Variants in TMEM59 observed in about 807,000 individuals in gnomAD.
The protein encoded by TMEM59 is dendritic cell factor 1.
In TMEM59, 44 loss-of-function variants were observed where a neutral mutation model predicts 42.2. The observed-to-expected ratio is 1.04, with a 90% CI of 0.82 to 1.34. The LOEUF is 1.34. Among genes scored for constraint, TMEM59 ranks in the 40% most tolerant of loss-of-function variants. TMEM59 has a pLI of 0.00. For synonymous variants in TMEM59, 148 were observed against 145.8 expected, an observed-to-expected ratio of 1.02 and a Z score of -0.11; for missense variants, 359 against 382.8, an observed-to-expected ratio of 0.94 and a Z score of 0.52.
At position 54,032,225 on chromosome 1, in the gene TMEM59, A is replaced by G; in HGVS notation, c.897T>C (p.Val299=). The G allele has an allele frequency of 6.2e-7, 1 of 1,613,402 alleles. No homozygotes were observed. Among genetic ancestry groups the G allele is most frequent in the Non-Finnish European group, 8.5e-7 (1 of 1,179,658 alleles). The part of the protein sequence containing the change: ...NRYPASSLVV[V]RSKTEDHEEA... ...CTTCATGATCTTCAGTTTTAGATCT[A>G]ACAACCACAAGAGAAGAAGCTGGAT... The change falls in exon 8 of 8, where the codon GTT becomes GTC. Residue 299 remains valine (V), a synonymous_variant. Coordinates refer to ENST00000234831, the MANE Select transcript of TMEM59 (RefSeq NM_004872.5).
At chr1:54,049,129 T>C (rs2100333829) in intron 1 of TMEM59, among the ~76,000 whole-genome samples, 1 of 152,316 alleles carries the variant, frequency 6.6e-6, no homozygotes, top group Admixed American at 6.5e-5. Context: ...CCATATGGCA[T>C]GGTGAAAAGA....
chr1:54,046,607 C>A (rs1031997704), intron 2 of TMEM59, among the ~76,000 whole-genome samples: 1 of 152,102 alleles, frequency 6.6e-6, no homozygotes, highest in Non-Finnish European at 1.5e-5. Context: ...CGCAAAAATA[C>A]GGTTATGATA....
chr1:54,046,268 T>C (rs1247289662), intron 2 of TMEM59, among the ~76,000 whole-genome samples: 2 of 152,228 alleles, frequency 1.3e-5, no homozygotes, highest in Admixed American at 6.5e-5. Context: ...GTATTATTGT[T>C]AAGAACCAGA....
rs1215419162 is a variant in TMEM59 at position 54,029,767 on chromosome 1, A to G, written c.*2383T>C. 1 of 152,196 alleles carries G rather than the reference A, an allele frequency of 6.6e-6. No homozygotes were observed. Among genetic ancestry groups the G allele is most frequent in the East Asian group, 1.9e-4 (1 of 5,192 alleles). The allele number at this position is 152,196 out of a possible 1,614,324, so 9.4% of individuals were successfully genotyped here. On this transcript the variant is annotated 3_prime_UTR_variant, in exon 8 of 8. Coordinates refer to ENST00000234831, the MANE Select transcript of TMEM59 (RefSeq NM_004872.5). Reference sequence around the variant, plus strand: ...AACACTACAATCCAGCTTCCCAAACAGAAGACTATATTTCCCATTATCTCA... The same window carrying G: ...AACACTACAATCCAGCTTCCCAAACGGAAGACTATATTTCCCATTATCTCA...
chr1:54,041,950 C>A, intron 4 of TMEM59, 145 bp from the exon 5 acceptor site: 4 of 534,518 alleles, frequency 7.5e-6, no homozygotes, highest in East Asian at 3.2e-5. Context: ...ACATTAACCA[C>A]AATATATTTT....
rs1178663897 is a variant in TMEM59 at position 54,028,817 on chromosome 1, A to C, written c.*3333T>G. ...AGAGTCTCAGCAATTGGGGTCAGGC[A>C]CTGGGTCTTACTGTGGTCCTAGCAT... On this transcript the variant is annotated 3_prime_UTR_variant, in exon 8 of 8. Coordinates refer to ENST00000234831, the MANE Select transcript of TMEM59 (RefSeq NM_004872.5). 1 of 152,158 alleles carries C rather than the reference A, an allele frequency of 6.6e-6. No individual in the cohort carries two copies. The highest frequency in any genetic ancestry group is 1.5e-5 in the Non-Finnish European group (1 of 68,056). 9.4% of individuals were successfully genotyped at this position (152,158 alleles called of 1,614,324 possible). A position where few individuals can be genotyped will look rare whatever the true frequency, so the allele number is the denominator to read the frequency against.
At chr1:54,036,427 GAAC>G (rs1446794459) in intron 7 of TMEM59, among the ~76,000 whole-genome samples, 180 bp downstream of exon 7, 1 of 152,096 alleles carries the variant, frequency 6.6e-6, no homozygotes, top group Non-Finnish European at 1.5e-5. Flanking sequence ...AGAAAGCTGA[GAAC>G]AACAATTCTT....
chr1:54,049,728 C>T (rs1657465053), intron 1 of TMEM59, among the ~76,000 whole-genome samples: 1 of 152,092 alleles, frequency 6.6e-6, no homozygotes, highest in Non-Finnish European at 1.5e-5. Context: ...CATGTAATCC[C>T]GACACTTTGG....
intron 2 of TMEM59, among the ~76,000 whole-genome samples, chr1:54,046,495 T>TC (rs1282051649): frequency 4.6e-5 from 7 of 152,342 alleles, no homozygotes; most frequent in Admixed American, 2.6e-4. Context: ...TTTTATTTTT[T>TC]CCCAACTCAG....
Position 54,053,156 on chromosome 1 carries a change from C to T in TMEM59, c.33G>A (p.Arg11=), listed in dbSNP as rs774562604. 3.1e-6 allele frequency: 5 copies of T among 1,614,202 alleles called. No individual in the cohort carries two copies. The highest frequency in any genetic ancestry group is 2.2e-5 in the South Asian group (2 of 91,078). ...GCAGCGGCGGGAGCCCCAGTTGGGT[C>T]CTCACCCAGAGGCTCCCCTTCGGCG... MAAPKGSLWV[R]TQLGLPPLLL... is the part of the protein sequence containing the mutation. Residue 11 remains arginine (R), a synonymous_variant, in exon 1 of 8, where the codon AGG becomes AGA. Coordinates refer to ENST00000234831, the MANE Select transcript of TMEM59 (RefSeq NM_004872.5).
chr1:54,032,357 C>T lies in TMEM59; in HGVS notation c.817-52G>A, dbSNP rs755476954. 4 of 1,401,402 alleles carry T rather than the reference C, an allele frequency of 2.9e-6. No individual in the cohort carries two copies. The African/African-American group carries it at 5.8e-5, about 20-fold the overall frequency. The allele number at this position is 1,401,402 out of a possible 1,614,324, so 86.8% of individuals were successfully genotyped here. A position where few individuals can be genotyped will look rare whatever the true frequency, so the allele number is the denominator to read the frequency against. ...GTAGTCTGGATAATTAGGAACCTCTCCAAGTTAGTCTTTAAATAACAATTT... is the reference window on the plus strand; with the variant it reads ...GTAGTCTGGATAATTAGGAACCTCTTCAAGTTAGTCTTTAAATAACAATTT... On this transcript the variant is annotated intron_variant, in intron 7 of 7. Transcript: ENST00000234831.
intron 1 of TMEM59, among the ~76,000 whole-genome samples, chr1:54,051,182 A>G (rs547869419): frequency 6.6e-6 from 1 of 152,320 alleles, no homozygotes; most frequent in South Asian, 2.1e-4. Context: ...GTTTATTAAT[A>G]GGAGGCAGCA....
chr1:54,053,167 G>C lies in TMEM59; in HGVS notation c.22C>G (p.Leu8Val). 6.2e-7 allele frequency: 1 copy of C among 1,614,172 alleles called. No homozygotes were observed. Among genetic ancestry groups the C allele is most frequent in the Non-Finnish European group, 8.5e-7 (1 of 1,180,018 alleles). MAAPKGS[L>V]WVRTQLGLPP... ...AGCCCCAGTTGGGTCCTCACCCAGA[G>C]GCTCCCCTTCGGCGCCGCCATCTTG... Residue 8 changes from leucine to valine, a missense_variant, in exon 1 of 8, where the codon CTC (leucine) becomes GTC (valine). By Grantham distance (32) the Leu-to-Val change is conservative. Coordinates refer to ENST00000234831, the MANE Select transcript of TMEM59 (RefSeq NM_004872.5).
intron 1 of TMEM59, 104 bp from the exon 2 acceptor site, chr1:54,047,476 C>G: frequency 1.1e-6 from 1 of 892,820 alleles, no homozygotes; most frequent in Non-Finnish European, 1.7e-6. Flanking sequence ...TATTACAAAT[C>G]GTCCAGTAAG....
At chr1:54,052,966 G>A (rs1415564547) in intron 1 of TMEM59, 34 bp downstream of exon 1, 13 of 1,581,748 alleles carry the variant, frequency 8.2e-6, no homozygotes, top group Middle Eastern at 1.7e-4. Context: ...GGGCTGCAAG[G>A]GAAGGGTCGC....
intron 6 of TMEM59, among the ~76,000 whole-genome samples, chr1:54,040,150 A>G (rs1413361327): frequency 6.6e-6 from 1 of 152,036 alleles, no homozygotes; most frequent in African/African-American, 2.4e-5. Context: ...AAACATACTT[A>G]TTTTATTTAT....
In TMEM59 at chr1:54,026,864, C is replaced by T. The variant is rs1357235740; in HGVS notation, c.*5286G>A. ...GCTGATTTTTTTCCACCCAAGTCTT[C>T]AATTATTACTGTTCTAACACTGCAA... On this transcript the variant is annotated 3_prime_UTR_variant, in exon 8 of 8. Transcript: ENST00000234831. 2.0e-5 allele frequency: 3 copies of T among 152,082 alleles called. No individual in the cohort carries two copies. Among genetic ancestry groups the T allele is most frequent in the Non-Finnish European group, 2.9e-5 (2 of 68,030 alleles). 9.4% of individuals were successfully genotyped at this position (152,082 alleles called of 1,614,324 possible).
intron 1 of TMEM59, 78 bp downstream of exon 1, chr1:54,052,922 C>T: frequency 6.7e-7 from 1 of 1,500,908 alleles, no homozygotes; most frequent in Non-Finnish European, 9.0e-7. Flanking sequence ...AGCCAGGTTG[C>T]CAGAGCCGAC....
At chr1:54,036,482 A>G (rs1656953422) in intron 7 of TMEM59, 128 bp downstream of exon 7, 2 of 633,092 alleles carry the variant, frequency 3.2e-6, no homozygotes, top group Non-Finnish European at 5.2e-6. Context: ...AACCTCTACC[A>G]CATTAAAACC....
Sources: allele counts gnomAD v4.1 joint callset (sites outside exome capture counted in the v4.1 genomes callset), GRCh38; gene constraint gnomAD v4.1.1; transcripts MANE v1.5; gene names NCBI Gene and HGNC (gene_info 2026-07-23, HGNC 2026-07-21).